Variants in ANAPC11 observed in about 807,000 individuals in gnomAD.
ANAPC11 encodes anaphase promoting complex subunit 11, also known as anaphase-promoting complex subunit 11.
A neutral mutation model predicts 11.8 loss-of-function variants in ANAPC11; 5 were observed. The observed-to-expected ratio is 0.42, with a 90% CI of 0.22 to 0.89. ANAPC11 has a LOEUF of 0.89. Among genes scored for constraint, ANAPC11 ranks in the 40% least tolerant of loss-of-function variants. The pLI is 0.28. For synonymous variants in ANAPC11, 45 were observed against 41.0 expected, an observed-to-expected ratio of 1.10 and a Z score of -0.38; for missense variants, 68 against 112.9, an observed-to-expected ratio of 0.60 and a Z score of 1.80.
At chr17:81,899,410 A>C in intron 3 of ANAPC11, 1 of 1,613,566 alleles carries the variant, frequency 6.2e-7, no homozygotes, top group South Asian at 1.1e-5. Context: ...AGGTCCCCAG[A>C]CCCCACCCCT....
upstream of ANAPC11, chr17:81,890,999 C>T: frequency 1.1e-6 from 1 of 936,314 alleles, no homozygotes; most frequent in Non-Finnish European, 1.6e-6. Flanking sequence ...GGTCCCACCG[C>T]GGCCGCACAA....
chr17:81,895,691 AG>A (rs890344194), intron 3 of ANAPC11, among the ~76,000 whole-genome samples: 2 of 152,066 alleles, frequency 1.3e-5, no homozygotes, highest in Non-Finnish European at 1.5e-5. Flanking sequence ...AGATCAAGGC[AG>A]GGTGTGGTGG....
chr17:81,892,478 A>G (rs1362782839), intron 1 of ANAPC11, among the ~76,000 whole-genome samples: 1 of 151,362 alleles, frequency 6.6e-6, no homozygotes, highest in Non-Finnish European at 1.5e-5. Flanking sequence ...CCAAAAAAAA[A>G]TTATTTTTGC....
At chr17:81,899,379 A>C in intron 3 of ANAPC11, 1 of 1,613,874 alleles carries the variant, frequency 6.2e-7, no homozygotes. Context: ...CGGATCCCTG[A>C]TGTCTAGGGA....
chr17:81,895,476 G>A (rs2039709398), intron 3 of ANAPC11, among the ~76,000 whole-genome samples: 1 of 152,222 alleles, frequency 6.6e-6, no homozygotes, highest in Non-Finnish European at 1.5e-5. Context: ...GAAATACGTG[G>A]GATTAAAAAG....
chr17:81,897,341 C>T (rs370726034), intron 3 of ANAPC11, among the ~76,000 whole-genome samples: 16 of 152,072 alleles, frequency 1.1e-4, no homozygotes, highest in East Asian at 1.9e-4. Context: ...CCATGTTGGC[C>T]GGGCTGGTCT....
At chr17:81,891,111 GA>G, upstream of ANAPC11, 1 of 656,586 alleles carries the variant, frequency 1.5e-6, no homozygotes, top group Non-Finnish European at 2.4e-6. Flanking sequence ...AAAGAGCTGG[GA>G]AGGGTCTCAG....
At chr17:81,900,316 A>T, downstream of ANAPC11, 1 of 575,210 alleles carries the variant, frequency 1.7e-6, no homozygotes, top group East Asian at 3.1e-5. Context: ...GTGTTTTGAT[A>T]TGAAAACTCT....
intron 3 of ANAPC11, among the ~76,000 whole-genome samples, chr17:81,895,891 T>A (rs922116177): frequency 1.3e-5 from 2 of 152,074 alleles, no homozygotes; most frequent in Admixed American, 6.5e-5. Flanking sequence ...CTCTTGAGCC[T>A]GGGAGACGGG....
downstream of ANAPC11, chr17:81,900,267 T>G: frequency 1.4e-6 from 1 of 729,452 alleles, no homozygotes; most frequent in Non-Finnish European, 2.2e-6. Context: ...TGGAGGCCTC[T>G]GGGTGCCTGT....
At chr17:81,890,956 C>G, upstream of ANAPC11, 2 of 1,352,738 alleles carry the variant, frequency 1.5e-6, no homozygotes, top group South Asian at 2.7e-5. Flanking sequence ...GCGCTCCCTC[C>G]GGCGCTGCAG....
intron 3 of ANAPC11, 122 bp downstream of exon 3, chr17:81,894,708 T>C (rs1212734061): frequency 6.3e-6 from 3 of 473,684 alleles, no homozygotes; most frequent in Admixed American, 8.6e-5. Context: ...ATACCCAGTT[T>C]CATTTTCTTT....
chr17:81,893,602 T>G lies in ANAPC11; in HGVS notation c.-24T>G, dbSNP rs2039629671. 6.6e-6 allele frequency: 1 copy of G among 152,112 alleles called. No homozygotes were observed. The allele number at this position is 152,112 out of a possible 1,614,324, so 9.4% of individuals were successfully genotyped here. On this transcript the variant is annotated 5_prime_UTR_variant, in exon 2 of 4. Transcript: ENST00000344877. ...GGCCCATTTGAGATCTTTGAAGATA[T>G]CCTCAACGTGAGGTAAAACCAAACT... is the stretch of plus-strand genomic sequence containing the variant.
chr17:81,891,659 G>A, upstream of ANAPC11: 3 of 1,231,676 alleles, frequency 2.4e-6, no homozygotes, highest in Non-Finnish European at 3.1e-6. Context: ...CGGCCTCGGA[G>A]CGGCTGCTGA....
At chr17:81,891,614 T>C, upstream of ANAPC11, 5 of 1,368,118 alleles carry the variant, frequency 3.7e-6, no homozygotes, top group Non-Finnish European at 4.7e-6. Context: ...CGCCGGCACG[T>C]CACTTCCGGC....
chr17:81,891,148 C>A, upstream of ANAPC11: 1 of 454,164 alleles, frequency 2.2e-6, no homozygotes, highest in Non-Finnish European at 3.7e-6. Flanking sequence ...CCCGAAAGAA[C>A]GACCTCGCTC....
intron 3 of ANAPC11, among the ~76,000 whole-genome samples, chr17:81,897,824 T>C (rs536188869): frequency 6.6e-6 from 1 of 152,044 alleles, no homozygotes; most frequent in East Asian, 1.9e-4. Flanking sequence ...GGAAATGGAG[T>C]CTCACTATGT....
At chr17:81,893,479 C>G (rs535530116) in intron 1 of ANAPC11, 73 bp from the exon 2 acceptor site, 2 of 152,290 alleles carry the variant, frequency 1.3e-5, no homozygotes, top group Non-Finnish European at 1.5e-5. Context: ...ATCCACCCTC[C>G]TCGGCCTCCC....
intron 3 of ANAPC11, chr17:81,899,610 ACCT>A (rs1159033654): frequency 4.0e-6 from 6 of 1,517,038 alleles, no homozygotes; most frequent in Admixed American, 1.9e-5. Flanking sequence ...CCAGAGCGCC[ACCT>A]CCTCAGAGAG....
Sources: gnomAD v4.1 joint callset for allele counts (sites outside exome capture counted in the v4.1 genomes callset) on GRCh38, gnomAD v4.1.1 for gene constraint, MANE v1.5 for transcripts, NCBI Gene and HGNC (gene_info 2026-07-23, HGNC 2026-07-21) for gene names.